UTRN: variants seen among roughly 807,000 people sequenced by gnomAD.
UTRN encodes the protein utrophin.
A neutral mutation model predicts 463.9 loss-of-function variants in UTRN; 283 were observed. That is an observed-to-expected ratio of 0.61 (90% confidence interval 0.55 to 0.67). The LOEUF is 0.67. Among genes scored for constraint, UTRN ranks in the 30% least tolerant of loss-of-function variants. The pLI, the probability that UTRN is intolerant of heterozygous loss-of-function variation, is 0.00. For synonymous variants in UTRN, 1,442 were observed against 1,431.5 expected (o/e 1.01, Z -0.17); for missense variants, 3,922 against 4,084.3 (o/e 0.96, Z 1.08).
chr6:144,785,438 A>C (rs1776216299), intron 61 of UTRN, among the ~76,000 whole-genome samples: 1 of 152,278 alleles, frequency 6.6e-6, no homozygotes, highest in Middle Eastern at 3.4e-3. Context: ...GAATTTATCT[A>C]CCTATTGCAT....
chr6:144,397,618 A>G (rs6912337), intron 2 of UTRN, among the ~76,000 whole-genome samples: 3,146 of 151,254 alleles, frequency 0.021, 54 homozygotes, highest in South Asian at 0.088. Context: ...ATTATATTAA[A>G]CATGTTCTTT....
intron 51 of UTRN, among the ~76,000 whole-genome samples, chr6:144,632,453 A>C (rs921554947): frequency 1.3e-5 from 2 of 152,048 alleles, no homozygotes; most frequent in Non-Finnish European, 2.9e-5. Context: ...TTTTTTTTCT[A>C]CTTTTTTTTC....
At chr6:144,774,422 C>G (rs1392186084) in intron 60 of UTRN, 58 bp downstream of exon 60, 6 of 1,146,784 alleles carry the variant, frequency 5.2e-6, no homozygotes, top group African/African-American at 2.1e-5. Flanking sequence ...TTTTTTTTTT[C>G]CAAGAGGAAG....
At chr6:144,744,233 G>A (rs1790417363) in intron 54 of UTRN, among the ~76,000 whole-genome samples, 2 of 148,422 alleles carry the variant, frequency 1.3e-5, no homozygotes, top group Admixed American at 1.3e-4. Flanking sequence ...GATGCTGTGA[G>A]CCAGGCTTAT....
At chr6:144,437,488 C>T in intron 10 of UTRN, 77 bp from the exon 11 acceptor site, 2 of 1,399,868 alleles carry the variant, frequency 1.4e-6, no homozygotes, top group South Asian at 3.1e-5. Flanking sequence ...TTAGGTTAGG[C>T]ATTAGCAATT....
At chr6:144,616,527 T>A (rs1475350971) in intron 51 of UTRN, among the ~76,000 whole-genome samples, 4 of 123,978 alleles carry the variant, frequency 3.2e-5, no homozygotes, top group African/African-American at 1.3e-4. Flanking sequence ...TTGTGTTTTG[T>A]CTGATAGTTT....
intron 51 of UTRN, among the ~76,000 whole-genome samples, chr6:144,627,310 A>G (rs1338781686): frequency 6.6e-6 from 1 of 152,242 alleles, no homozygotes; most frequent in African/African-American, 2.4e-5. Context: ...AATAGCTGTT[A>G]CATTCATTTA....
At chr6:144,821,713 A>T (rs73596530) in intron 66 of UTRN, among the ~76,000 whole-genome samples, 3,180 of 152,214 alleles carry the variant, frequency 0.021, 119 homozygotes, top group African/African-American at 0.073. Context: ...TTTTTCAATG[A>T]CCCAGAAAAA....
chr6:144,760,733 A>G (rs1034960309), intron 58 of UTRN, among the ~76,000 whole-genome samples: 1 of 152,228 alleles, frequency 6.6e-6, no homozygotes, highest in African/African-American at 2.4e-5. Flanking sequence ...AAAGTAGAAG[A>G]AAAATGTTTA....
chr6:144,836,598 G>A (rs1781127703), intron 71 of UTRN, 57 bp downstream of exon 71: 4 of 1,596,406 alleles, frequency 2.5e-6, no homozygotes, highest in Non-Finnish European at 3.4e-6. Flanking sequence ...CACTGCCCTG[G>A]GAGATGATGG....
At chr6:144,505,314 G>A (rs920266603) in intron 34 of UTRN, among the ~76,000 whole-genome samples, 5 of 152,056 alleles carry the variant, frequency 3.3e-5, no homozygotes. Flanking sequence ...TTTTGAATTT[G>A]TTTGCTCTTG....
chr6:144,824,774 G>GT (rs980335060), intron 66 of UTRN, among the ~76,000 whole-genome samples: 1 of 77,334 alleles, frequency 1.3e-5, no homozygotes, highest in African/African-American at 4.9e-5. Context: ...AGTTGGTGGT[G>GT]GGGGGGGGTG....
intron 21 of UTRN, among the ~76,000 whole-genome samples, chr6:144,460,393 A>G (rs1386168578): frequency 1.3e-5 from 2 of 152,350 alleles, no homozygotes; most frequent in South Asian, 2.1e-4. Context: ...AACTTCAGCA[A>G]TTGTAGATTG....
At chr6:144,367,676 T>A (rs1448782004) in intron 2 of UTRN, among the ~76,000 whole-genome samples, 1 of 152,190 alleles carries the variant, frequency 6.6e-6, no homozygotes, top group East Asian at 1.9e-4. Flanking sequence ...GAGCTTTTAT[T>A]TTTCAAGGAG....
rs1584122939 is a variant in UTRN at position 144,285,793 on chromosome 6, C to G, written c.-121C>G. The G allele has an allele frequency of 6.6e-6, 1 of 152,282 alleles. No individual in the cohort carries two copies. The highest frequency in any genetic ancestry group is 1.5e-5 in the Non-Finnish European group (1 of 68,344). The allele number at this position is 152,282 out of a possible 1,614,324, so 9.4% of individuals were successfully genotyped here. A position where few individuals can be genotyped will look rare whatever the true frequency, so the allele number is the denominator to read the frequency against. On this transcript the variant is annotated 5_prime_UTR_variant, in exon 1 of 75. Coordinates refer to ENST00000367545, the MANE Select transcript of UTRN (RefSeq NM_007124.3). ...CAGCTCGGGGTGCGGCGGTGGCGAC[C>G]GGCAGGCGAGGAGGCCCGCGGGCAG...
chr6:144,643,726 G>A (rs573228565), intron 51 of UTRN, among the ~76,000 whole-genome samples: 112 of 151,980 alleles, frequency 7.4e-4, no homozygotes, highest in African/African-American at 2.4e-3. Context: ...GAACCCGGGC[G>A]GTGGAGGTTA....
intron 58 of UTRN, among the ~76,000 whole-genome samples, chr6:144,763,137 G>C (rs1792901030): frequency 6.6e-6 from 1 of 152,084 alleles, no homozygotes. Flanking sequence ...GTACATATTA[G>C]TAATCTCTGG....
At chr6:144,774,395 G>A in intron 60 of UTRN, 31 bp downstream of exon 60, 2 of 1,511,930 alleles carry the variant, frequency 1.3e-6, no homozygotes, top group African/African-American at 1.6e-5. Flanking sequence ...TAATCAATCT[G>A]TTACTTGAAT....
chr6:144,447,342 C>T (rs1389018305), intron 15 of UTRN, 24 bp downstream of exon 15: 2 of 1,602,036 alleles, frequency 1.2e-6, no homozygotes, highest in African/African-American at 1.3e-5. Context: ...TTGTCAGCAT[C>T]TGTGTTGTAA....
Sources: gnomAD v4.1 joint callset for allele counts (sites outside exome capture counted in the v4.1 genomes callset) on GRCh38, gnomAD v4.1.1 for gene constraint, MANE v1.5 for transcripts, NCBI Gene and HGNC (gene_info 2026-07-23, HGNC 2026-07-21) for gene names.